Variants in ZMIZ1 observed in about 807,000 individuals in gnomAD.
ZMIZ1 encodes the protein zinc finger MIZ domain-containing protein 1.
In ZMIZ1, 17 loss-of-function variants were observed where a neutral mutation model predicts 113.9. That is an observed-to-expected ratio of 0.15 (90% CI 0.10 to 0.22). The LOEUF (loss-of-function observed/expected upper bound fraction) is 0.22, where lower values mean the gene tolerates loss of function less well. Among genes scored for constraint, ZMIZ1 ranks in the 10% least tolerant of loss-of-function variants. ZMIZ1 has a pLI of 1.00. For synonymous variants in ZMIZ1, 607 were observed against 603.1 expected, an observed-to-expected ratio of 1.01 and a Z score of -0.09; for missense variants, 1,059 against 1,477.8, an observed-to-expected ratio of 0.72 and a Z score of 4.65.
chr10:79,202,608 G>A (rs1314298034), intron 5 of ZMIZ1, among the ~76,000 whole-genome samples: 1 of 152,204 alleles, frequency 6.6e-6, no homozygotes, highest in African/African-American at 2.4e-5. Context: ...TCCCCACCCT[G>A]CTGAAGCTCA....
chr10:79,234,197 G>A (rs1402761783), intron 7 of ZMIZ1, among the ~76,000 whole-genome samples: 1 of 152,208 alleles, frequency 6.6e-6, no homozygotes, highest in Non-Finnish European at 1.5e-5. Context: ...AGAGAACATA[G>A]TTTGGAGGCT....
intron 3 of ZMIZ1, among the ~76,000 whole-genome samples, chr10:79,143,528 T>A (rs1421945916): frequency 1.3e-5 from 2 of 152,192 alleles, no homozygotes; most frequent in Admixed American, 1.3e-4. Context: ...CAGTGTTTCC[T>A]AAGCACCTGT....
chr10:79,230,799 G>T (rs1008973847), intron 7 of ZMIZ1, among the ~76,000 whole-genome samples: 2 of 152,240 alleles, frequency 1.3e-5, no homozygotes, highest in Non-Finnish European at 2.9e-5. Context: ...TCCAGGGAGA[G>T]ATTTGAGTGT....
At chr10:79,125,102 A>G (rs1472066534) in intron 2 of ZMIZ1, among the ~76,000 whole-genome samples, 1 of 152,228 alleles carries the variant, frequency 6.6e-6, no homozygotes, top group East Asian at 1.9e-4. Context: ...CCTCTTCAGC[A>G]ACCCAGGCAC....
intron 7 of ZMIZ1, among the ~76,000 whole-genome samples, chr10:79,246,521 G>T (rs1275226573): frequency 6.6e-6 from 1 of 152,208 alleles, no homozygotes; most frequent in Non-Finnish European, 1.5e-5. Flanking sequence ...GGGGCCTGTG[G>T]CTGGGATCCT....
intron 24 of ZMIZ1, 24 bp downstream of exon 24, chr10:79,311,208 T>C (rs765109594): frequency 3.2e-6 from 5 of 1,579,446 alleles, no homozygotes; most frequent in Non-Finnish European, 4.3e-6. Flanking sequence ...GCCACTCGCC[T>C]TGGCCTGGGG....
intron 2 of ZMIZ1, among the ~76,000 whole-genome samples, chr10:79,135,491 G>A (rs1020218600): frequency 2.0e-5 from 3 of 152,380 alleles, no homozygotes; most frequent in African/African-American, 7.2e-5. Flanking sequence ...TTGCGAGTGT[G>A]TCACTTCACA....
rs533711810 is a variant in ZMIZ1, at chr10:79,107,215, G to A, written c.-336-11700G>A. 7.2e-5 allele frequency among the ~76,000 whole-genome samples: 11 copies of A among 152,012 alleles called. No individual in the cohort carries two copies. The East Asian group carries it at 2.1e-3, about 29-fold the overall frequency. ...CTTCACTGTCCACTTACAAAGCCCAGAACTTTCTGCATCCTGCTATTTAAG... is the reference window on the plus strand; with the variant it reads ...CTTCACTGTCCACTTACAAAGCCCAAAACTTTCTGCATCCTGCTATTTAAG... On this transcript the variant is annotated intron_variant, in intron 1 of 24. Transcript: ENST00000334512.
chr10:79,298,857 G>A (rs1289429759), intron 15 of ZMIZ1, among the ~76,000 whole-genome samples, 193 bp from the exon 16 acceptor site: 1 of 152,224 alleles, frequency 6.6e-6, no homozygotes, highest in Non-Finnish European at 1.5e-5. Flanking sequence ...ATGAGTCGCT[G>A]GGGCGGGGCC....
At position 79,307,387 on chromosome 10, in the gene ZMIZ1, C is replaced by T. The variant is rs1172385700; in HGVS notation, c.2669-18C>T. 3.7e-6 allele frequency: 6 copies of T among 1,610,384 alleles called. No homozygotes were observed. Among genetic ancestry groups the T allele is most frequent in the African/African-American group, 1.3e-5 (1 of 74,742 alleles). On this transcript the variant is annotated intron_variant, in intron 22 of 24. Coordinates refer to ENST00000334512, the MANE Select transcript of ZMIZ1 (RefSeq NM_020338.4). ...CCTCTGGGTGACCCCCTCCCCTCCC[C>T]ATCTCATCCCTTCCTAGGCAACAAC...
chr10:79,121,820 A>T (rs1245183173), intron 2 of ZMIZ1, among the ~76,000 whole-genome samples: 6 of 152,128 alleles, frequency 3.9e-5, no homozygotes, highest in Non-Finnish European at 7.4e-5. Context: ...TGCTAGGTTG[A>T]TGTCAAAGGC....
rs569761407 is a variant in ZMIZ1, at chr10:79,290,003, C to T, written c.540+114C>T. The T allele has an allele frequency of 1.6e-4, 172 of 1,085,332 alleles. 1 individual carries two copies. The African/African-American group carries it at 2.5e-3, about 16-fold the overall frequency. 67.2% of individuals were successfully genotyped at this position (1,085,332 alleles called of 1,614,324 possible). On this transcript the variant is annotated intron_variant, in intron 9 of 24. Transcript: ENST00000334512. The stretch of plus-strand genomic sequence containing the variant: ...ACAGGCCTTGCCCTGCTGGAAAGAC[C>T]AGCTTCCAGGGCACACCCAGCTGTG...
intron 1 of ZMIZ1, among the ~76,000 whole-genome samples, chr10:79,085,982 C>A (rs1436537095): frequency 1.3e-5 from 2 of 152,164 alleles, no homozygotes; most frequent in African/African-American, 2.4e-5. Flanking sequence ...AGCTTCCTGA[C>A]CCTGACGAGT....
intron 7 of ZMIZ1, among the ~76,000 whole-genome samples, chr10:79,274,873 T>G (rs1465728264): frequency 1.3e-5 from 2 of 152,164 alleles, no homozygotes; most frequent in African/African-American, 4.8e-5. Flanking sequence ...GGGTGGCCCG[T>G]GACATTGGAG....
At chr10:79,253,741 A>G (rs1172772523) in intron 7 of ZMIZ1, among the ~76,000 whole-genome samples, 2 of 152,212 alleles carry the variant, frequency 1.3e-5, no homozygotes, top group African/African-American at 4.8e-5. Context: ...AGGCTCACTT[A>G]GATCCAGGAC....
chr10:79,102,467 G>T (rs1231095477), intron 1 of ZMIZ1, among the ~76,000 whole-genome samples: 2 of 152,248 alleles, frequency 1.3e-5, no homozygotes, highest in Non-Finnish European at 2.9e-5. Context: ...GGGAGAGAAA[G>T]AAATGGGTGT....
intron 2 of ZMIZ1, among the ~76,000 whole-genome samples, chr10:79,132,077 T>C (rs1214161617): frequency 6.6e-6 from 1 of 152,220 alleles, no homozygotes; most frequent in Non-Finnish European, 1.5e-5. Context: ...CTTCAGAACC[T>C]GCAGTGTTCA....
chr10:79,137,221 G>A (rs1396118124), intron 2 of ZMIZ1, among the ~76,000 whole-genome samples: 2 of 152,328 alleles, frequency 1.3e-5, no homozygotes, highest in South Asian at 2.1e-4. Context: ...GGATGGCCCA[G>A]CCTTGGGGTC....
At chr10:79,279,950 C>T (rs560923357) in intron 8 of ZMIZ1, among the ~76,000 whole-genome samples, 1 of 150,764 alleles carries the variant, frequency 6.6e-6, no homozygotes. Flanking sequence ...AGGGAGAGAC[C>T]GTGCAAAGGG....
Sources: gnomAD v4.1 joint callset for allele counts (sites outside exome capture counted in the v4.1 genomes callset) on GRCh38, gnomAD v4.1.1 for gene constraint, MANE v1.5 for transcripts, NCBI Gene and HGNC (gene_info 2026-07-23, HGNC 2026-07-21) for gene names.